The following GRIN2A variants were observed in gnomAD, a reference collection of about 807,000 sequenced individuals.
The protein encoded by GRIN2A is glutamate ionotropic receptor NMDA type subunit 2A.
Under a neutral mutation model 113.4 loss-of-function variants are expected in GRIN2A, and 22 were observed. The observed-to-expected ratio is 0.19, with a 90% confidence interval of 0.14 to 0.28. The LOEUF (loss-of-function observed/expected upper bound fraction) is 0.28, where lower values mean the gene tolerates loss of function less well. Ranked by LOEUF, GRIN2A falls within the 10% of genes least tolerant of loss-of-function variation. GRIN2A has a pLI of 1.00. For synonymous variants in GRIN2A, 827 were observed against 738.4 expected (o/e 1.12, Z -1.94); for missense variants, 1,502 against 1,887.0 (o/e 0.80, Z 3.78).
intron 2 of GRIN2A, among the ~76,000 whole-genome samples, chr16:9,958,236 A>G (rs2045350492): frequency 6.6e-6 from 1 of 152,228 alleles, no homozygotes; most frequent in African/African-American, 2.4e-5. Flanking sequence ...CATAATTGCC[A>G]TTAATAACAT....
chr16:10,074,930 C>T (rs965358707), intron 2 of GRIN2A, among the ~76,000 whole-genome samples: 1 of 152,138 alleles, frequency 6.6e-6, no homozygotes. Flanking sequence ...ACTTATTGAC[C>T]AATTTCTCCT....
intron 2 of GRIN2A, chr16:10,121,688 T>C (rs1188547444): frequency 6.6e-6 from 1 of 152,200 alleles, no homozygotes; most frequent in Non-Finnish European, 1.5e-5. Flanking sequence ...TTGAGATCAT[T>C]ATGCTGCTTC....
At chr16:10,077,452 T>A (rs1410699728) in intron 2 of GRIN2A, among the ~76,000 whole-genome samples, 1 of 152,124 alleles carries the variant, frequency 6.6e-6, no homozygotes, top group Non-Finnish European at 1.5e-5. Flanking sequence ...ACCCAGTACA[T>A]CCCACACTCT....
intron 2 of GRIN2A, among the ~76,000 whole-genome samples, chr16:10,157,994 A>T (rs529770320): frequency 7.9e-5 from 12 of 151,840 alleles, no homozygotes; most frequent in Admixed American, 7.9e-4. Flanking sequence ...AACTATATTT[A>T]TTTTTATTTA....
chr16:10,066,953 A>G (rs747280633), intron 2 of GRIN2A, among the ~76,000 whole-genome samples: 2 of 152,194 alleles, frequency 1.3e-5, no homozygotes, highest in Non-Finnish European at 2.9e-5. Context: ...AGCGTTCAAA[A>G]ACAAAGGACA....
At chr16:9,805,807 C>T (rs1212229396) in intron 10 of GRIN2A, among the ~76,000 whole-genome samples, 1 of 152,032 alleles carries the variant, frequency 6.6e-6, no homozygotes, top group Non-Finnish European at 1.5e-5. Flanking sequence ...TGGATCACCA[C>T]CGGGTACCCA....
At chr16:9,826,229 G>A (rs754299228) in intron 9 of GRIN2A, among the ~76,000 whole-genome samples, 1 of 152,102 alleles carries the variant, frequency 6.6e-6, no homozygotes, top group Non-Finnish European at 1.5e-5. Context: ...TTGAACCCAG[G>A]TCCATTTGAC....
intron 5 of GRIN2A, among the ~76,000 whole-genome samples, chr16:9,842,749 CA>C (rs2042702233): frequency 6.6e-6 from 1 of 152,006 alleles, no homozygotes; most frequent in East Asian, 1.9e-4. Flanking sequence ...CCAGCCTGGC[CA>C]ACATGGAGAA....
intron 2 of GRIN2A, among the ~76,000 whole-genome samples, chr16:9,968,843 G>A (rs1259814102): frequency 6.6e-6 from 1 of 152,080 alleles, no homozygotes; most frequent in Non-Finnish European, 1.5e-5. Flanking sequence ...CCAACCTCAG[G>A]TGATCCGCCC....
At chr16:10,133,424 A>G (rs1182866801) in intron 2 of GRIN2A, among the ~76,000 whole-genome samples, 1 of 152,178 alleles carries the variant, frequency 6.6e-6, no homozygotes, top group Non-Finnish European at 1.5e-5. Context: ...CCTGGCCAAC[A>G]TGATGAAACC....
In GRIN2A at chr16:9,829,413, G is replaced by A. The variant is rs368110989; in HGVS notation, c.2007+10C>T. 184 of 1,587,278 alleles carry A rather than the reference G, an allele frequency of 1.2e-4. 1 individual carries two copies. The highest frequency in any genetic ancestry group is 1.3e-4 in the Non-Finnish European group (149 of 1,156,186). On this transcript the variant is annotated intron_variant, in intron 9 of 12. Transcript: ENST00000330684. ...ACCCTCAGATGGAGAGGAAAGCAAG[G>A]TGACCTTACCTTTTTGTCACTGAGG...
rs752064084 is a variant in GRIN2A at position 9,849,941 on chromosome 16, A to G, written c.1143T>C (p.His381=). 8 of 1,613,890 alleles carry G rather than the reference A, an allele frequency of 5.0e-6. No individual in the cohort carries two copies. The highest frequency in any genetic ancestry group is 1.3e-5 in the African/African-American group (1 of 74,918). The change falls in exon 5 of 13, where the codon CAT becomes CAC. Residue 381 remains histidine (H), a synonymous_variant. Coordinates refer to ENST00000330684, the MANE Select transcript of GRIN2A (RefSeq NM_001134407.3). The part of the protein sequence containing the change: ...EWEKVGKWEN[H]TLSLRHAVWP... Reference sequence around the variant, plus strand: ...ACACGGCGTGCCTCAGGCTCAGCGTATGGTTCTCCCACTTGCCCACCTGCA... The same window carrying G: ...ACACGGCGTGCCTCAGGCTCAGCGTGTGGTTCTCCCACTTGCCCACCTGCA...
intron 10 of GRIN2A, among the ~76,000 whole-genome samples, chr16:9,807,457 A>AG: frequency 6.6e-6 from 1 of 151,102 alleles, no homozygotes; most frequent in South Asian, 2.1e-4. Context: ...GAGAGAGAGA[A>AG]AGAGAAAGAA....
chr16:9,945,132 C>T (rs1567192544), intron 2 of GRIN2A, among the ~76,000 whole-genome samples: 1 of 152,066 alleles, frequency 6.6e-6, no homozygotes. Flanking sequence ...ACCAGTCTGG[C>T]CAACCCCAGA....
chr16:9,899,770 G>A (rs775595214), intron 3 of GRIN2A, among the ~76,000 whole-genome samples: 1 of 152,124 alleles, frequency 6.6e-6, no homozygotes, highest in Non-Finnish European at 1.5e-5. Context: ...TTAAGCCAGA[G>A]CTTAAAAGTA....
chr16:10,047,954 T>G (rs1437622743), intron 2 of GRIN2A, among the ~76,000 whole-genome samples: 1 of 152,150 alleles, frequency 6.6e-6, no homozygotes, highest in Non-Finnish European at 1.5e-5. Context: ...TTTTATCACC[T>G]CCTGTCTCCC....
At chr16:9,778,270 T>C (rs779595268) in intron 11 of GRIN2A, among the ~76,000 whole-genome samples, 33 of 152,198 alleles carry the variant, frequency 2.2e-4, no homozygotes, top group Non-Finnish European at 3.8e-4. Context: ...AGAAACCTTG[T>C]AGGAATCCAG....
intron 2 of GRIN2A, among the ~76,000 whole-genome samples, chr16:10,138,589 G>T (rs72776064): frequency 0.1 from 15,950 of 152,036 alleles, 1,392 homozygotes; most frequent in East Asian, 0.33. Context: ...TCCCTGACAC[G>T]TGGGGATTAC....
chr16:9,983,442 CTTT>C (rs149545344), intron 2 of GRIN2A, among the ~76,000 whole-genome samples: 7 of 141,622 alleles, frequency 4.9e-5, no homozygotes, highest in Admixed American at 1.4e-4. Context: ...GTTATTTATT[CTTT>C]TTTTTTTTTT....
Sources: gnomAD v4.1 joint callset for allele counts (sites outside exome capture counted in the v4.1 genomes callset) on GRCh38, gnomAD v4.1.1 for gene constraint, MANE v1.5 for transcripts, NCBI Gene and HGNC (gene_info 2026-07-23, HGNC 2026-07-21) for gene names.